The following NR2F1-AS1 variants were observed in gnomAD, a reference collection of about 807,000 sequenced individuals.
NR2F1-AS1 encodes the protein NR2F1 antisense RNA 1.
At chr5:93,439,461 A>T (rs189499588) in intron 4 of NR2F1-AS1, among the ~76,000 whole-genome samples, 17 of 152,110 alleles carry the variant, frequency 1.1e-4, no homozygotes, top group African/African-American at 4.1e-4. Context: ...CGCCCGGCTA[A>T]TTTTTTGTAT....
intron 4 of NR2F1-AS1, among the ~76,000 whole-genome samples, chr5:93,548,696 C>T (rs974522223): frequency 9.3e-5 from 14 of 150,984 alleles, no homozygotes; most frequent in Non-Finnish European, 2.1e-4. Context: ...GACCCTGTCT[C>T]TACTAAAAAT....
chr5:93,546,917 A>T (rs931964147), intron 4 of NR2F1-AS1, among the ~76,000 whole-genome samples: 1 of 152,200 alleles, frequency 6.6e-6, no homozygotes, highest in Admixed American at 6.5e-5. Flanking sequence ...CTTTAAGTAA[A>T]AGAGATTAAC....
At chr5:93,472,916 C>T (rs924929458) in intron 4 of NR2F1-AS1, among the ~76,000 whole-genome samples, 1 of 151,794 alleles carries the variant, frequency 6.6e-6, no homozygotes, top group African/African-American at 2.4e-5. Flanking sequence ...TGCTAAAATG[C>T]TGTTAAATCA....
chr5:93,413,216 A>ATG (rs1748898553), intron 4 of NR2F1-AS1, among the ~76,000 whole-genome samples: 1 of 146,510 alleles, frequency 6.8e-6, no homozygotes, highest in African/African-American at 2.6e-5. Flanking sequence ...ATGTATATAT[A>ATG]TATATGTGTG....
At chr5:93,510,246 C>T (rs140234593) in intron 4 of NR2F1-AS1, among the ~76,000 whole-genome samples, 202 of 152,182 alleles carry the variant, frequency 1.3e-3, no homozygotes, top group African/African-American at 4.5e-3. Flanking sequence ...TTTCCTCATT[C>T]GTACAGGCTG....
chr5:93,460,804 A>G (rs970130082), intron 4 of NR2F1-AS1, among the ~76,000 whole-genome samples: 6 of 152,226 alleles, frequency 3.9e-5, no homozygotes, highest in African/African-American at 1.4e-4. Flanking sequence ...CACCAGTCAG[A>G]ATGACTATTA....
At chr5:93,446,934 C>G (rs1373824020) in intron 4 of NR2F1-AS1, among the ~76,000 whole-genome samples, 1 of 151,912 alleles carries the variant, frequency 6.6e-6, no homozygotes, top group African/African-American at 2.4e-5. Flanking sequence ...ACAAACCTGA[C>G]AAAAACAAGA....
intron 4 of NR2F1-AS1, among the ~76,000 whole-genome samples, chr5:93,499,799 C>G (rs1194936768): frequency 1.3e-5 from 2 of 152,158 alleles, no homozygotes; most frequent in African/African-American, 4.8e-5. Flanking sequence ...AAGTGCTACT[C>G]CTGTGAACAC....
intron 2 of NR2F1-AS1, among the ~76,000 whole-genome samples, chr5:93,555,603 A>T (rs568643898): frequency 6.6e-6 from 1 of 152,318 alleles, no homozygotes; most frequent in East Asian, 1.9e-4. Context: ...GCAGTATGAA[A>T]GATGGGAGGA....
chr5:93,550,895 A>T (rs1752211515), intron 4 of NR2F1-AS1, among the ~76,000 whole-genome samples: 1 of 152,168 alleles, frequency 6.6e-6, no homozygotes, highest in Admixed American at 6.5e-5. Context: ...CTAGTTAGTT[A>T]ATCAAGTGAT....
chr5:93,496,701 C>T (rs1750967173), intron 4 of NR2F1-AS1, among the ~76,000 whole-genome samples: 1 of 152,128 alleles, frequency 6.6e-6, no homozygotes, highest in African/African-American at 2.4e-5. Context: ...AATTTACATA[C>T]CACAATTTTT....
In NR2F1-AS1 at chr5:93,478,458, C is replaced by T. The variant is rs186885304; in HGVS notation, n.638+75303G>A. Among the ~76,000 whole-genome samples the T allele has an allele frequency of 2.0e-4, 31 of 152,236 alleles. No individual in the cohort carries two copies. In the East Asian group the frequency reaches 5.0e-3, roughly 25 times the overall value. ...TTGCTCTGTCATCCAGGCTGGAGTA[C>T]GGTGGCACGATCTCGGCTCACTGCA... On this transcript the variant is annotated intron_variant and non_coding_transcript_variant, in intron 4 of 5. Coordinates refer to ENST00000660523, the Ensembl canonical transcript of NR2F1-AS1.
chr5:93,565,364 A>C (rs1363385545), intron 1 of NR2F1-AS1, among the ~76,000 whole-genome samples: 2 of 152,224 alleles, frequency 1.3e-5, no homozygotes, highest in Admixed American at 6.5e-5. Context: ...AGATTAAAAG[A>C]CTTCTAACAA....
chr5:93,584,007 C>G (rs1372804156), upstream of NR2F1-AS1: 2 of 151,668 alleles, frequency 1.3e-5, no homozygotes, highest in African/African-American at 4.9e-5. Flanking sequence ...CGCTCTCCAG[C>G]GCTGCCTTCC....
intron 4 of NR2F1-AS1, chr5:93,544,006 T>C (rs923170801): frequency 2.0e-5 from 3 of 152,268 alleles, no homozygotes; most frequent in South Asian, 2.1e-4. Flanking sequence ...ATGGCCACAG[T>C]TCAATGGTCA....
intron 4 of NR2F1-AS1, among the ~76,000 whole-genome samples, chr5:93,502,591 G>T (rs1751107679): frequency 6.6e-6 from 1 of 151,944 alleles, no homozygotes; most frequent in Non-Finnish European, 1.5e-5. Context: ...TGAATAAAAG[G>T]TTCAGATATT....
chr5:93,477,177 TAG>T (rs1750502851), intron 4 of NR2F1-AS1, among the ~76,000 whole-genome samples: 2 of 152,180 alleles, frequency 1.3e-5, no homozygotes, highest in Non-Finnish European at 2.9e-5. Flanking sequence ...AATGTAGCAT[TAG>T]AGAAGCTGTT....
chr5:93,501,118 T>C (rs1284857162), intron 4 of NR2F1-AS1, among the ~76,000 whole-genome samples: 1 of 152,238 alleles, frequency 6.6e-6, no homozygotes, highest in East Asian at 1.9e-4. Flanking sequence ...ATTCCAAGCC[T>C]CATGGATGAC....
intron 4 of NR2F1-AS1, among the ~76,000 whole-genome samples, chr5:93,535,151 C>CAAA (rs59297889): frequency 7.9e-6 from 1 of 126,856 alleles, no homozygotes; most frequent in African/African-American, 2.8e-5. Flanking sequence ...GAGACTCAGA[C>CAAA]AAAAAAAAAA....
Sources: allele counts gnomAD v4.1 joint callset (sites outside exome capture counted in the v4.1 genomes callset), GRCh38; gene constraint gnomAD v4.1.1; transcripts MANE v1.5; gene names NCBI Gene and HGNC (gene_info 2026-07-23, HGNC 2026-07-21).